Variants in CAMSAP2 observed in about 807,000 individuals in gnomAD.
CAMSAP2 encodes the protein calmodulin regulated spectrin associated protein family member 2, also known as calmodulin-regulated spectrin-associated protein 2.
CAMSAP2 carries 26 observed loss-of-function variants against 146.1 expected under a neutral mutation model. That is an observed-to-expected ratio of 0.18 (90% CI 0.13 to 0.25). The LOEUF is 0.25. Ranked by LOEUF, CAMSAP2 falls within the 10% of genes least tolerant of loss-of-function variation. The probability of loss-of-function intolerance (pLI) is 1.00; values close to 1 mark genes in which losing one functional copy is unlikely to be tolerated. For missense variants in CAMSAP2, 1,381 were observed against 1,759.3 expected, an observed-to-expected ratio of 0.78 and a Z score of 3.85; for synonymous variants, 499 against 596.6, an observed-to-expected ratio of 0.84 and a Z score of 2.38.
rs145261313 is a variant in CAMSAP2, at chr1:200,817,079, TAC to T, written c.645+1444_645+1445del. Among the ~76,000 whole-genome samples, 382 of 142,890 alleles carry T rather than the reference TAC, an allele frequency of 2.7e-3. 1 individual carries two copies. The highest frequency in any genetic ancestry group is 3.9e-3 in the Middle Eastern group (1 of 258). The allele number at this position is 142,890 out of a possible 152,430, so 93.7% of individuals were successfully genotyped here. On this transcript the variant is annotated intron_variant, in intron 4 of 16. Coordinates refer to ENST00000358823, the MANE Select transcript of CAMSAP2 (RefSeq NM_203459.4). ...GTATACACACACGTATATATGTGTA[TAC>T]ACACACACGTATATATGTATACACA... is the stretch of plus-strand genomic sequence containing the variant.
chr1:200,762,589 A>C (rs1664830440), intron 2 of CAMSAP2, among the ~76,000 whole-genome samples: 1 of 152,226 alleles, frequency 6.6e-6, no homozygotes, highest in Non-Finnish European at 1.5e-5. Flanking sequence ...AAGCACATCC[A>C]TGACTTTGTG....
intron 11 of CAMSAP2, among the ~76,000 whole-genome samples, chr1:200,851,772 C>G (rs1490480394): frequency 6.6e-6 from 1 of 151,900 alleles, no homozygotes; most frequent in Non-Finnish European, 1.5e-5. Context: ...TGTTAGACAC[C>G]AAAGAAATGT....
intron 3 of CAMSAP2, among the ~76,000 whole-genome samples, chr1:200,810,035 C>T (rs996631601): frequency 6.6e-6 from 1 of 152,186 alleles, no homozygotes. Flanking sequence ...AAAGGTCCCA[C>T]CTTTCAGTAC....
intron 1 of CAMSAP2, among the ~76,000 whole-genome samples, chr1:200,751,492 AC>A (rs1490559228): frequency 7.6e-6 from 1 of 131,496 alleles, no homozygotes; most frequent in Non-Finnish European, 1.5e-5. Context: ...CCATGATCGC[AC>A]CATTGCACTC....
intron 2 of CAMSAP2, among the ~76,000 whole-genome samples, chr1:200,782,249 G>A (rs968181377): frequency 1.3e-5 from 2 of 152,186 alleles, no homozygotes; most frequent in Non-Finnish European, 2.9e-5. Flanking sequence ...AGATGAAGAA[G>A]ATGAGGCTGA....
At chr1:200,750,087 A>G (rs1664455341) in intron 1 of CAMSAP2, among the ~76,000 whole-genome samples, 1 of 152,196 alleles carries the variant, frequency 6.6e-6, no homozygotes, top group Non-Finnish European at 1.5e-5. Context: ...GGAAATAAGC[A>G]AATTCTGGCT....
chr1:200,802,361 A>G (rs1045127667), intron 2 of CAMSAP2, among the ~76,000 whole-genome samples: 13 of 152,254 alleles, frequency 8.5e-5, no homozygotes, highest in African/African-American at 2.9e-4. Context: ...CCTCATTGAT[A>G]AAATGACATA....
intron 2 of CAMSAP2, among the ~76,000 whole-genome samples, chr1:200,806,718 T>A (rs750427370): frequency 6.6e-6 from 1 of 151,820 alleles, no homozygotes; most frequent in Non-Finnish European, 1.5e-5. Flanking sequence ...ACTACTGTAA[T>A]GTTTTTTTTA....
intron 4 of CAMSAP2, among the ~76,000 whole-genome samples, chr1:200,818,699 C>T (rs952867651): frequency 6.6e-6 from 1 of 152,104 alleles, no homozygotes; most frequent in Non-Finnish European, 1.5e-5. Context: ...GGATTTTTGG[C>T]ATTTGAACTG....
At chr1:200,838,970 C>T (rs1318610140) in intron 6 of CAMSAP2, among the ~76,000 whole-genome samples, 1 of 152,116 alleles carries the variant, frequency 6.6e-6, no homozygotes, top group African/African-American at 2.4e-5. Context: ...TGGTGCCATT[C>T]AGTGAGATAA....
intron 8 of CAMSAP2, among the ~76,000 whole-genome samples, chr1:200,845,093 T>C (rs1305443634): frequency 6.6e-6 from 1 of 152,216 alleles, no homozygotes; most frequent in Non-Finnish European, 1.5e-5. Flanking sequence ...CAATATATTC[T>C]AAGTTCCCAA....
In CAMSAP2 at chr1:200,757,070, GCTTA is replaced by G. The variant is rs576334651; in HGVS notation, c.140-3765_140-3762del. Among the ~76,000 whole-genome samples, 630 of 152,200 alleles carry G rather than the reference GCTTA, an allele frequency of 4.1e-3. 6 individuals are homozygous for G. The highest frequency in any genetic ancestry group is 0.014 in the African/African-American group (569 of 41,538). Reference sequence around the variant, plus strand: ...GTTAATTTCAAGTTCAGATTCTGTGGCTTACTTTTAATTGGAGTTCTTTGAAACT... The same window carrying G: ...GTTAATTTCAAGTTCAGATTCTGTGGCTTTTAATTGGAGTTCTTTGAAACT... On this transcript the variant is annotated intron_variant, in intron 1 of 16. Coordinates refer to ENST00000358823, the MANE Select transcript of CAMSAP2 (RefSeq NM_203459.4).
At chr1:200,762,754 T>G (rs1664835960) in intron 2 of CAMSAP2, among the ~76,000 whole-genome samples, 1 of 152,216 alleles carries the variant, frequency 6.6e-6, no homozygotes. Flanking sequence ...TTTGTATGTG[T>G]GAAATACTTG....
chr1:200,750,269 T>G lies in CAMSAP2; in HGVS notation c.139+10303T>G, dbSNP rs972804. Among the ~76,000 whole-genome samples, 13 of 152,202 alleles carry G rather than the reference T, an allele frequency of 8.5e-5. No homozygotes were observed. In the East Asian group the frequency reaches 2.5e-3, roughly 29 times the overall value. ...ACTTTAGCCTGGATTCTGTAATGGA[T>G]TTTATTTATGGTTGAAGGAGAGGGA... is the stretch of plus-strand genomic sequence containing the variant. On this transcript the variant is annotated intron_variant, in intron 1 of 16. Coordinates refer to ENST00000358823, the MANE Select transcript of CAMSAP2 (RefSeq NM_203459.4).
At chr1:200,807,562 A>G in intron 3 of CAMSAP2, 25 bp downstream of exon 3, 1 of 1,467,492 alleles carries the variant, frequency 6.8e-7, no homozygotes, top group Non-Finnish European at 9.1e-7. Context: ...ACTTGAGTAA[A>G]TCGCATCTCA....
chr1:200,741,738 T>C (rs982498368), intron 1 of CAMSAP2, among the ~76,000 whole-genome samples: 3 of 152,176 alleles, frequency 2.0e-5, no homozygotes, highest in Admixed American at 6.5e-5. Flanking sequence ...CTTGAACATA[T>C]TGAACACACC....
chr1:200,825,870 T>C (rs1384680805), intron 4 of CAMSAP2, among the ~76,000 whole-genome samples: 2 of 152,214 alleles, frequency 1.3e-5, no homozygotes, highest in African/African-American at 4.8e-5. Context: ...TCTTCAACTA[T>C]GTACCTATGT....
intron 7 of CAMSAP2, among the ~76,000 whole-genome samples, chr1:200,843,422 T>C (rs1297121849): frequency 6.6e-6 from 1 of 152,240 alleles, no homozygotes; most frequent in Non-Finnish European, 1.5e-5. Flanking sequence ...ATCGAGTCAC[T>C]ATATAACATT....
Position 200,848,041 on chromosome 1 carries a change from G to A in CAMSAP2, c.1272G>A (p.Val424=). ...TTTAACTTTTTTTTAGATCATCAGT[G>A]CATGGCGTATCATTTGATATTTCTT... ...GTWPKEKRSS[V]HGVSFDISFD... The change falls in exon 11 of 17, where the codon GTG becomes GTA. Residue 424 remains valine (V), a synonymous_variant. Coordinates refer to ENST00000358823, the MANE Select transcript of CAMSAP2 (RefSeq NM_203459.4). 8 of 1,536,640 alleles carry A rather than the reference G, an allele frequency of 5.2e-6. No individual in the cohort carries two copies. Among genetic ancestry groups the A allele is most frequent in the South Asian group, 1.3e-5 (1 of 76,720 alleles).
Sources: gnomAD v4.1 joint callset for allele counts (sites outside exome capture counted in the v4.1 genomes callset) on GRCh38, gnomAD v4.1.1 for gene constraint, MANE v1.5 for transcripts, NCBI Gene and HGNC (gene_info 2026-07-23, HGNC 2026-07-21) for gene names.